ITPR1: variants seen among roughly 807,000 people sequenced by gnomAD.
ITPR1 encodes inositol 1,4,5-trisphosphate receptor type 1, also known as inositol 1,4,5-trisphosphate-gated calcium channel ITPR1.
Under a neutral mutation model 318.4 loss-of-function variants are expected in ITPR1, and 96 were observed. The ratio of observed to expected loss-of-function variants is 0.30; its 90% CI spans 0.26 to 0.36. ITPR1 has a LOEUF of 0.36. Among genes scored for constraint, ITPR1 ranks in the 10% least tolerant of loss-of-function variants. ITPR1 has a pLI of 1.00. For synonymous variants in ITPR1, 1,312 were observed against 1,289.9 expected (o/e 1.02, Z -0.37); for missense variants, 2,440 against 3,460.2 (o/e 0.71, Z 7.40).
chr3:4,771,889 C>G (rs2046213561), intron 46 of ITPR1, among the ~76,000 whole-genome samples: 1 of 152,094 alleles, frequency 6.6e-6, no homozygotes, highest in Non-Finnish European at 1.5e-5. Context: ...CAAAGCTGCT[C>G]TGTTCGGAGT....
In ITPR1 at chr3:4,695,206, C is replaced by A. The variant is rs57690357; in HGVS notation, c.4281+1465C>A. Among the ~76,000 whole-genome samples, 1,141 of 152,258 alleles carry A rather than the reference C, an allele frequency of 7.5e-3. 12 individuals carry two copies. The highest frequency in any genetic ancestry group is 0.026 in the African/African-American group (1,085 of 41,556). ...AATAAGAAAGCAATGAGATTGCATT[C>A]TTTTCACAGTCTTGGCCACAGTATG... is the stretch of plus-strand genomic sequence containing the variant. On this transcript the variant is annotated intron_variant, in intron 33 of 61. Coordinates refer to ENST00000649015, the MANE Select transcript of ITPR1 (RefSeq NM_001378452.1).
chr3:4,776,135 G>T (rs2046469708), intron 47 of ITPR1, among the ~76,000 whole-genome samples: 1 of 152,190 alleles, frequency 6.6e-6, no homozygotes, highest in South Asian at 2.1e-4. Flanking sequence ...CTGGAGTGCA[G>T]TGGTGCAATC....
intron 54 of ITPR1, among the ~76,000 whole-genome samples, chr3:4,803,735 A>C (rs563795013): frequency 6.6e-6 from 1 of 152,334 alleles, no homozygotes; most frequent in Non-Finnish European, 1.5e-5. Flanking sequence ...CTTCTCTGAT[A>C]ATCATTCCAC....
rs183072402 is a variant in ITPR1, at chr3:4,554,202, G to T, written c.163+33108G>T. ...TATCTTGCCCAAGGTAACAGTCACT[G>T]AGTGGCACAGTTAGTGATGAATTCT... On this transcript the variant is annotated intron_variant, in intron 4 of 61. Transcript: ENST00000649015. Among the ~76,000 whole-genome samples, 676 of 152,342 alleles carry T rather than the reference G, an allele frequency of 4.4e-3. 6 individuals are homozygous for T. The highest frequency in any genetic ancestry group is 0.016 in the African/African-American group (645 of 41,580).
Position 4,505,350 on chromosome 3 carries a change from G to A in ITPR1, c.-17+10844G>A, listed in dbSNP as rs189529890. On this transcript the variant is annotated intron_variant, in intron 2 of 61. Coordinates refer to ENST00000649015, the MANE Select transcript of ITPR1 (RefSeq NM_001378452.1). Reference sequence around the variant, plus strand: ...TGGGACTACAAGCACAAGCCACCACGCCTGGCTAATTTTTGTATTCTTAGT... The same window carrying A: ...TGGGACTACAAGCACAAGCCACCACACCTGGCTAATTTTTGTATTCTTAGT... Among the ~76,000 whole-genome samples the A allele has an allele frequency of 2.7e-4, 41 of 152,038 alleles. 1 individual carries two copies. Among genetic ancestry groups the A allele is most frequent in the Admixed American group, 6.5e-5 (1 of 15,268 alleles).
rs753515346 is a variant in ITPR1, at chr3:4,658,195, C to A, written c.1068C>A (p.Val356=). The A allele has an allele frequency of 6.2e-7, 1 of 1,613,568 alleles. No individual in the cohort carries two copies. ...AAGAAAAGATGGTATACTCCCTGGT[C>A]TCTGTGCCTGAAGGCAATGACATCT... ...NAQEKMVYSL[V]SVPEGNDISS... Residue 356 remains valine, a synonymous_variant, in exon 13 of 62, where the codon GTC becomes GTA. Transcript: ENST00000649015.
At chr3:4,705,358 G>T (rs1574943411) in intron 36 of ITPR1, among the ~76,000 whole-genome samples, 1 of 152,184 alleles carries the variant, frequency 6.6e-6, no homozygotes, top group Non-Finnish European at 1.5e-5. Context: ...GGGCACCTTT[G>T]TCAAGGCTAG....
chr3:4,846,331 A>G lies in ITPR1; in HGVS notation c.*106A>G. The G allele has an allele frequency of 1.0e-5, 7 of 691,228 alleles. No individual in the cohort carries two copies. 42.8% of individuals were successfully genotyped at this position (691,228 alleles called of 1,614,324 possible). ...CGAAGGTTACATTTATGCTGAATACATTTGTAAATACTCAGTTTTATACTG... is the reference window on the plus strand; with the variant it reads ...CGAAGGTTACATTTATGCTGAATACGTTTGTAAATACTCAGTTTTATACTG... On this transcript the variant is annotated 3_prime_UTR_variant, in exon 62 of 62. Transcript: ENST00000649015.
At chr3:4,527,302 G>A (rs888146842) in intron 4 of ITPR1, among the ~76,000 whole-genome samples, 6 of 152,226 alleles carry the variant, frequency 3.9e-5, no homozygotes, top group Admixed American at 2.0e-4. Flanking sequence ...TAAGCCTCCC[G>A]AGTAGCTGGG....
At chr3:4,841,935 G>C (rs2051375528) in intron 61 of ITPR1, among the ~76,000 whole-genome samples, 1 of 152,200 alleles carries the variant, frequency 6.6e-6, no homozygotes, top group Non-Finnish European at 1.5e-5. Context: ...TGATTTTATA[G>C]GGCTGTAGAA....
intron 45 of ITPR1, among the ~76,000 whole-genome samples, chr3:4,767,072 G>A (rs937099848): frequency 4.6e-5 from 7 of 152,230 alleles, no homozygotes; most frequent in African/African-American, 1.2e-4. Context: ...TTTGTTTTCC[G>A]AGGTATTGGA....
rs1195627769 is a variant in ITPR1 at position 4,606,006 on chromosome 3, T to C, written c.164-21757T>C. Reference sequence around the variant, plus strand: ...GGTCTAAATTATTTTAATTGGATCATTACCATTTGCAACAGTTTCCAGAGG... The same window carrying C: ...GGTCTAAATTATTTTAATTGGATCACTACCATTTGCAACAGTTTCCAGAGG... On this transcript the variant is annotated intron_variant, in intron 4 of 61. Transcript: ENST00000649015. Among the ~76,000 whole-genome samples, 4 of 152,182 alleles carry C rather than the reference T, an allele frequency of 2.6e-5. No individual in the cohort carries two copies. In the East Asian group the frequency reaches 7.7e-4, roughly 29 times the overall value.
intron 61 of ITPR1, among the ~76,000 whole-genome samples, chr3:4,839,059 G>T (rs1300901338): frequency 6.6e-6 from 1 of 152,212 alleles, no homozygotes; most frequent in Non-Finnish European, 1.5e-5. Flanking sequence ...CGGGCGTGGT[G>T]GCTCACGCCT....
intron 4 of ITPR1, among the ~76,000 whole-genome samples, chr3:4,608,664 G>A (rs1249958975): frequency 1.3e-5 from 2 of 152,034 alleles, no homozygotes; most frequent in Admixed American, 1.3e-4. Flanking sequence ...CATCTTACAA[G>A]ATACAGGACA....
chr3:4,544,420 A>G (rs559641781), intron 4 of ITPR1, among the ~76,000 whole-genome samples: 1 of 152,376 alleles, frequency 6.6e-6, no homozygotes, highest in South Asian at 2.1e-4. Flanking sequence ...GCAAGCAACC[A>G]TACGTATTCA....
chr3:4,843,991 T>G (rs990121751), intron 61 of ITPR1, among the ~76,000 whole-genome samples: 1 of 152,224 alleles, frequency 6.6e-6, no homozygotes, highest in African/African-American at 2.4e-5. Context: ...AAGTAGTTAT[T>G]TAAAGCAAAA....
At chr3:4,671,397 A>G (rs1480944688) in intron 20 of ITPR1, 1 of 153,394 alleles carries the variant, frequency 6.5e-6, no homozygotes, top group African/African-American at 2.4e-5. Context: ...ACATTCATCC[A>G]TGTATCTTTC....
rs191654522 is a variant in ITPR1, at chr3:4,725,088, A to G, written c.5137-458A>G. 1.7e-3 allele frequency among the ~76,000 whole-genome samples: 262 copies of G among 152,158 alleles called. 1 individual carries two copies. The highest frequency in any genetic ancestry group is 5.8e-3 in the African/African-American group (240 of 41,516). ...GACATGGGAGAAAGCCTAAACCCAC[A>G]GGAGACATGTGGCACGTGGAACTTT... is the stretch of plus-strand genomic sequence containing the variant. On this transcript the variant is annotated intron_variant, in intron 40 of 61. Coordinates refer to ENST00000649015, the MANE Select transcript of ITPR1 (RefSeq NM_001378452.1).
chr3:4,545,609 C>T (rs1172628873), intron 4 of ITPR1, among the ~76,000 whole-genome samples: 5 of 115,040 alleles, frequency 4.3e-5, no homozygotes, highest in African/African-American at 7.5e-5. Flanking sequence ...GGCAACAGAA[C>T]GGGACCCGGT....
Sources: allele counts gnomAD v4.1 joint callset (sites outside exome capture counted in the v4.1 genomes callset), GRCh38; gene constraint gnomAD v4.1.1; transcripts MANE v1.5; gene names NCBI Gene and HGNC (gene_info 2026-07-23, HGNC 2026-07-21).